Variants in TTC7A observed in about 807,000 individuals in gnomAD.
The protein encoded by TTC7A is tetratricopeptide repeat protein 7A.
Under a neutral mutation model 103.7 loss-of-function variants are expected in TTC7A, and 110 were observed. The observed-to-expected ratio is 1.06, with a 90% CI of 0.91 to 1.24. The LOEUF (loss-of-function observed/expected upper bound fraction) is 1.24, where lower values mean the gene tolerates loss of function less well. Ranked by LOEUF, TTC7A falls within the 50% of genes most tolerant of loss-of-function variation. The pLI, the probability that TTC7A is intolerant of heterozygous loss-of-function variation, is 0.00. For missense variants in TTC7A, 1,340 were observed against 1,116.3 expected (o/e 1.20, Z -2.86); for synonymous variants, 521 against 467.9 (o/e 1.11, Z -1.47).
intron 19 of TTC7A, among the ~76,000 whole-genome samples, chr2:47,069,500 C>G (rs1255057039): frequency 6.6e-6 from 1 of 152,120 alleles, no homozygotes; most frequent in Non-Finnish European, 1.5e-5. Context: ...CCAGGGGGCT[C>G]TGGGGTGAAC....
intron 8 of TTC7A, chr2:46,999,923 AT>A (rs1304177760): frequency 1.0e-6 from 1 of 984,544 alleles, no homozygotes; most frequent in Admixed American, 6.1e-5. Flanking sequence ...GACTCTGCAG[AT>A]TAACAGACTT....
chr2:47,067,040 T>C (rs1005908528), intron 19 of TTC7A, among the ~76,000 whole-genome samples: 4 of 152,212 alleles, frequency 2.6e-5, no homozygotes, highest in Admixed American at 2.0e-4. Context: ...GCCGAACTCA[T>C]CCTTTTACCA....
intron 2 of TTC7A, among the ~76,000 whole-genome samples, chr2:46,931,689 CAATAATAA>C (rs1357284413): frequency 8.6e-6 from 1 of 116,672 alleles, no homozygotes; most frequent in Non-Finnish European, 1.7e-5. Flanking sequence ...CAAAAACAGA[CAATAATAA>C]ATAAATAAAT....
intron 5 of TTC7A, among the ~76,000 whole-genome samples, chr2:46,992,568 G>A (rs902549869): frequency 1.3e-5 from 2 of 152,264 alleles, no homozygotes; most frequent in African/African-American, 2.4e-5. Flanking sequence ...AGGCCCCACA[G>A]CCTCAGGAAG....
chr2:47,072,417 C>T (rs1191589675), intron 19 of TTC7A, among the ~76,000 whole-genome samples: 3 of 152,236 alleles, frequency 2.0e-5, no homozygotes, highest in Admixed American at 2.0e-4. Flanking sequence ...CCTAGGGCTT[C>T]CTGAGCGCCA....
At chr2:47,054,491 C>T (rs1424193134) in intron 18 of TTC7A, among the ~76,000 whole-genome samples, 1 of 152,144 alleles carries the variant, frequency 6.6e-6, no homozygotes, top group East Asian at 1.9e-4. Context: ...CTGCCCCTAA[C>T]TGCCGAGGGC....
intron 2 of TTC7A, among the ~76,000 whole-genome samples, chr2:46,922,718 T>G (rs975951218): frequency 2.6e-5 from 4 of 151,996 alleles, no homozygotes; most frequent in African/African-American, 9.7e-5. Context: ...GGAAGACATC[T>G]CTACCAAAAT....
rs768394279 is a variant in TTC7A at position 47,006,085 on chromosome 2, C to CGT, written c.1203+26_1203+27insGT. The CGT allele has an allele frequency of 1.4e-5, 23 of 1,608,342 alleles. No homozygotes were observed. In the South Asian group the frequency reaches 2.4e-4, roughly 17 times the overall value. ...GTACGGCCGGCCATGCAGCCCACCC[C>CGT]ACTCTCCGGAGTCAGGTGGTCTGTA... is the stretch of plus-strand genomic sequence containing the variant. On this transcript the variant is annotated intron_variant, in intron 9 of 19. Transcript: ENST00000319190.
In TTC7A at chr2:46,977,894, A is replaced by G. The variant is rs554558515; in HGVS notation, c.649-898A>G. 8.5e-5 allele frequency among the ~76,000 whole-genome samples: 13 copies of G among 152,260 alleles called. No individual in the cohort carries two copies. The East Asian group carries it at 2.5e-3, about 29-fold the overall frequency. On this transcript the variant is annotated intron_variant, in intron 4 of 19. Coordinates refer to ENST00000319190, the MANE Select transcript of TTC7A (RefSeq NM_020458.4). ...GTAATTGACACTTTTGACCTTAGAC[A>G]TTTTCTGAGCCTCAGTTTCCTCATC...
At chr2:47,040,671 G>T (rs1442866892) in intron 15 of TTC7A, 3 of 152,268 alleles carry the variant, frequency 2.0e-5, no homozygotes, top group African/African-American at 7.2e-5. Flanking sequence ...TTGGGATCGG[G>T]CCGGCCTGCG....
intron 2 of TTC7A, among the ~76,000 whole-genome samples, chr2:46,932,522 CTTTT>C: frequency 6.6e-6 from 1 of 152,130 alleles, no homozygotes; most frequent in East Asian, 1.9e-4. Context: ...TATGCACTTT[CTTTT>C]GTGTTATTTT....
chr2:47,013,317 C>A (rs746326078), intron 11 of TTC7A, among the ~76,000 whole-genome samples: 14 of 152,160 alleles, frequency 9.2e-5, no homozygotes, highest in Non-Finnish European at 2.1e-4. Flanking sequence ...AGAGGTAGGG[C>A]GACCTTGTGA....
chr2:47,054,037 A>T, intron 18 of TTC7A: 1 of 891,878 alleles, frequency 1.1e-6, no homozygotes, highest in Non-Finnish European at 1.3e-6. Context: ...AGAGAAACAC[A>T]TGCCTTTCAG....
intron 19 of TTC7A, among the ~76,000 whole-genome samples, chr2:47,067,533 TC>T (rs1445664403): frequency 1.3e-5 from 2 of 152,198 alleles, no homozygotes; most frequent in African/African-American, 4.8e-5. Context: ...TTCGAGGTTC[TC>T]CTACGGTTGG....
intron 11 of TTC7A, among the ~76,000 whole-genome samples, chr2:47,012,660 G>C (rs549042703): frequency 6.6e-6 from 1 of 152,212 alleles, no homozygotes; most frequent in African/African-American, 2.4e-5. Context: ...CAAATTCCAT[G>C]TTCCAACCTT....
In TTC7A at chr2:46,948,621, A is replaced by G. The variant is rs553338053; in HGVS notation, c.185-1742A>G. Among the ~76,000 whole-genome samples, 44 of 152,234 alleles carry G rather than the reference A, an allele frequency of 2.9e-4. 1 individual carries two copies. The South Asian group carries it at 8.9e-3, about 31-fold the overall frequency. On this transcript the variant is annotated intron_variant, in intron 1 of 19. Coordinates refer to ENST00000319190, the MANE Select transcript of TTC7A (RefSeq NM_020458.4). ...CGGTGAGAGATTCTTCTTCAGAGGC[A>G]TGAAGTTTTTTGTGTTTTTCTAAAG...
intron 19 of TTC7A, among the ~76,000 whole-genome samples, chr2:47,068,939 T>C (rs957500241): frequency 2.0e-5 from 3 of 149,280 alleles, no homozygotes; most frequent in African/African-American, 7.4e-5. Flanking sequence ...TTTCTCCCTG[T>C]CCAGCAGCCC....
intron 10 of TTC7A, 24 bp downstream of exon 10, chr2:47,006,748 G>T: frequency 3.8e-6 from 6 of 1,571,602 alleles, no homozygotes; most frequent in East Asian, 2.2e-5. Flanking sequence ...GGCGCTAGGG[G>T]TTGCACACTC....
At chr2:46,936,271 G>C (rs1005278378), upstream of TTC7A, among the ~76,000 whole-genome samples, 2 of 152,026 alleles carry the variant, frequency 1.3e-5, no homozygotes, top group Admixed American at 6.6e-5. Context: ...GTTCATCCTT[G>C]TCATTTTTTT....
Sources: gnomAD v4.1 joint callset for allele counts (sites outside exome capture counted in the v4.1 genomes callset) on GRCh38, gnomAD v4.1.1 for gene constraint, MANE v1.5 for transcripts, NCBI Gene and HGNC (gene_info 2026-07-23, HGNC 2026-07-21) for gene names.